The following ACOX3 variants were observed in gnomAD, a reference collection of about 807,000 sequenced individuals.
The protein encoded by ACOX3 is peroxisomal acyl-coenzyme A oxidase 3.
A neutral mutation model predicts 81.5 loss-of-function variants in ACOX3; 73 were observed. The observed-to-expected ratio is 0.90, with a 90% CI of 0.74 to 1.09. The LOEUF (loss-of-function observed/expected upper bound fraction) is 1.09, where lower values mean the gene tolerates loss of function less well. Ranked by LOEUF, ACOX3 falls within the 50% of genes least tolerant of loss-of-function variation. ACOX3 has a pLI of 0.00. For missense variants in ACOX3, 947 were observed against 928.0 expected, an observed-to-expected ratio of 1.02 and a Z score of -0.27; for synonymous variants, 387 against 375.1, an observed-to-expected ratio of 1.03 and a Z score of -0.37.
rs769012697 is a variant in ACOX3 at position 8,392,440 on chromosome 4, C to T, written c.1193G>A (p.Arg398His). 19 of 1,591,874 alleles carry T rather than the reference C, an allele frequency of 1.2e-5. No individual in the cohort carries two copies. In the African/African-American group the frequency reaches 1.4e-4, roughly 11 times the overall value. The change falls in exon 11 of 18, where the codon CGT becomes CAT. Residue 398 changes from arginine to histidine, a missense_variant. Arg to His is a conservative substitution (Grantham distance 29, BLOSUM62 0). Coordinates refer to ENST00000356406, the MANE Select transcript of ACOX3 (RefSeq NM_003501.3). ...GGCCGATGCCAGGGCGTGGATCTCA[C>T]GTCCAAGCTCTGCCTTTGGGTGAGG... ...DRSARQAELG[R>H]EIHALASASK...
At chr4:8,357,491 T>C in the ACOX3 span, 1 of 334,732 alleles carries the variant, frequency 3.0e-6, no homozygotes, top group East Asian at 7.5e-5. Context: ...TAAAGTTTTC[T>C]ACATTACCAA....
chr4:8,367,819 A>G (rs1277052463), intron 17 of ACOX3, among the ~76,000 whole-genome samples: 5 of 134,266 alleles, frequency 3.7e-5, no homozygotes, highest in African/African-American at 1.6e-4. Flanking sequence ...AAAAAAAAAA[A>G]AAAAAAAAAA....
At chr4:8,408,188 C>G (rs972325612) in intron 6 of ACOX3, among the ~76,000 whole-genome samples, 1 of 151,870 alleles carries the variant, frequency 6.6e-6, no homozygotes, top group Non-Finnish European at 1.5e-5. Context: ...GGGCTAAAAC[C>G]CAAATGTAAA....
In ACOX3 at chr4:8,385,927, A is replaced by T. The variant is rs1459848070; in HGVS notation, c.1537+3246T>A. Among the ~76,000 whole-genome samples, 1 of 152,238 alleles carries T rather than the reference A, an allele frequency of 6.6e-6. No individual in the cohort carries two copies. The highest frequency in any genetic ancestry group is 1.9e-4 in the East Asian group (1 of 5,198). Reference sequence around the variant, plus strand: ...GAGGGATAATGGCGGTCTCTCTCCCATACCACTTTGAACAAGTGAAAGCCA... The same window carrying T: ...GAGGGATAATGGCGGTCTCTCTCCCTTACCACTTTGAACAAGTGAAAGCCA... On this transcript the variant is annotated intron_variant, in intron 13 of 17. Transcript: ENST00000356406. This position sits in a 1 kb window ranked among gnomAD's most constrained non-coding sequence, Gnocchi z 5.5.
At chr4:8,371,097 G>A in intron 16 of ACOX3, 103 bp from the exon 17 acceptor site, 1 of 1,035,782 alleles carries the variant, frequency 9.7e-7, no homozygotes, top group Non-Finnish European at 1.5e-6. Flanking sequence ...ACTAGCAACG[G>A]GTCACCTGAG....
chr4:8,427,995 T>G (rs368910948), intron 1 of ACOX3, among the ~76,000 whole-genome samples: 1 of 152,248 alleles, frequency 6.6e-6, no homozygotes, highest in East Asian at 1.9e-4. Context: ...GCTTCTGTCA[T>G]TCACATGAGA....
At chr4:8,361,257 A>C in the ACOX3 span, among the ~76,000 whole-genome samples, 1 of 151,686 alleles carries the variant, frequency 6.6e-6, no homozygotes, top group Non-Finnish European at 1.5e-5. Flanking sequence ...CCCAGTCTCT[A>C]CTAAAAATGC....
intron 1 of ACOX3, among the ~76,000 whole-genome samples, chr4:8,436,725 T>C (rs1354931693): frequency 6.6e-6 from 1 of 151,924 alleles, no homozygotes; most frequent in Non-Finnish European, 1.5e-5. Flanking sequence ...GGCTCACGCC[T>C]ATAATCCCAG....
At chr4:8,413,710 C>A (rs984723026) in intron 5 of ACOX3, among the ~76,000 whole-genome samples, 2 of 151,514 alleles carry the variant, frequency 1.3e-5, no homozygotes, top group Admixed American at 6.6e-5. Flanking sequence ...CCGTGCCCCT[C>A]CACAGCACTG....
Position 8,406,837 on chromosome 4 carries a change from G to C in ACOX3, c.688-794C>G, listed in dbSNP as rs575176339. On this transcript the variant is annotated intron_variant, in intron 6 of 17. Coordinates refer to ENST00000356406, the MANE Select transcript of ACOX3 (RefSeq NM_003501.3). This position sits in a 1 kb window ranked among gnomAD's most constrained non-coding sequence, Gnocchi z 5.6. ...CAGGATGGAACATGAAGGTGGACTA[G>C]GAGCGTGACCACTGAAGCACGGCAT... is the stretch of plus-strand genomic sequence containing the variant. Among the ~76,000 whole-genome samples, 5 of 152,350 alleles carry C rather than the reference G, an allele frequency of 3.3e-5. No homozygotes were observed. Among genetic ancestry groups the C allele is most frequent in the East Asian group, 1.9e-4 (1 of 5,178 alleles).
chr4:8,370,414 G>A lies in ACOX3; in HGVS notation c.1983+494C>T, dbSNP rs533325104. Among the ~76,000 whole-genome samples the A allele has an allele frequency of 6.6e-6, 1 of 152,230 alleles. No homozygotes were observed. Among genetic ancestry groups the A allele is most frequent in the African/African-American group, 2.4e-5 (1 of 41,562 alleles). On this transcript the variant is annotated intron_variant, in intron 17 of 17. Transcript: ENST00000356406. This position sits in a 1 kb window ranked among gnomAD's most constrained non-coding sequence, Gnocchi z 6.3. ...ACATGGGGGGCAGGAGGAGAGCTGA[G>A]GAGCCACAGGGAGGCGGTTGGGGGA... is the stretch of plus-strand genomic sequence containing the variant.
In ACOX3 at chr4:8,370,920, T is replaced by C; in HGVS notation, c.1971A>G (p.Arg657=). The C allele has an allele frequency of 6.2e-7, 1 of 1,613,912 alleles. No individual in the cohort carries two copies. The highest frequency in any genetic ancestry group is 8.5e-7 in the Non-Finnish European group (1 of 1,179,992). The change falls in exon 17 of 18, where the codon AGA becomes AGG. Residue 657 remains arginine (R), a synonymous_variant. Coordinates refer to ENST00000356406, the MANE Select transcript of ACOX3 (RefSeq NM_003501.3). This position sits in a 1 kb window ranked among gnomAD's most constrained non-coding sequence, Gnocchi z 6.3. ...GTCCTCCCTTTACCTCGCCGTCGGC[T>C]CTGCCAATCGGTGAGTCCAGAACAA... ...PDFVLDSPIG[R]ADGELYKNLW...
At chr4:8,398,407 G>C (rs140591156) in intron 8 of ACOX3, among the ~76,000 whole-genome samples, 1 of 152,118 alleles carries the variant, frequency 6.6e-6, no homozygotes. Context: ...TCCTCCAAGA[G>C]TCCCTTCAAC....
In ACOX3 at chr4:8,415,905, A is replaced by G; in HGVS notation, c.239T>C (p.Leu80Pro). 1 of 1,614,258 alleles carries G rather than the reference A, an allele frequency of 6.2e-7. No individual in the cohort carries two copies. The highest frequency in any genetic ancestry group is 8.5e-7 in the Non-Finnish European group (1 of 1,180,044). ...ATACTCGAAGATCCGCTTGCATCGA[A>G]GGAAGTTCAGCTCGCGATACTTCTC... ...SLEKYRELNF[L>P]RCKRIFEYDF... Residue 80 changes from leucine (L) to proline (P), a missense_variant, in exon 3 of 18, where the codon CTT becomes CCT. By Grantham distance (98) the Leu-to-Pro change is moderately conservative (BLOSUM62 -3). Coordinates refer to ENST00000356406, the MANE Select transcript of ACOX3 (RefSeq NM_003501.3).
chr4:8,409,592 G>C (rs576411677), intron 6 of ACOX3, among the ~76,000 whole-genome samples: 1 of 151,206 alleles, frequency 6.6e-6, no homozygotes, highest in African/African-American at 2.4e-5. Context: ...TGTGCACTGT[G>C]GGCAGGGCTA....
At position 8,389,467 on chromosome 4, in the gene ACOX3, G is replaced by A; in HGVS notation, c.1423+145C>T. On this transcript the variant is annotated intron_variant, in intron 12 of 17. Transcript: ENST00000356406. This position sits in a 1 kb window ranked among gnomAD's most constrained non-coding sequence, Gnocchi z 5.3. ...CCAGCCTTTGCCCATGCCTTGGGGAGTTGGTCGGCACTATCTAATAACATT... is the reference window on the plus strand; with the variant it reads ...CCAGCCTTTGCCCATGCCTTGGGGAATTGGTCGGCACTATCTAATAACATT... 3.6e-6 allele frequency: 5 copies of A among 1,408,348 alleles called. No homozygotes were observed. The South Asian group carries it at 5.2e-5, about 15-fold the overall frequency. The allele number at this position is 1,408,348 out of a possible 1,614,324, so 87.2% of individuals were successfully genotyped here.
intron 1 of ACOX3, among the ~76,000 whole-genome samples, chr4:8,429,921 A>C (rs1258590378): frequency 6.6e-6 from 1 of 152,142 alleles, no homozygotes; most frequent in Non-Finnish European, 1.5e-5. Context: ...AAAAAAAAAA[A>C]AGTGAAAAAA....
chr4:8,425,838 C>T (rs547940755), intron 1 of ACOX3, among the ~76,000 whole-genome samples: 13 of 152,176 alleles, frequency 8.5e-5, no homozygotes, highest in South Asian at 2.1e-4. Context: ...ACAATGGCCC[C>T]GCTTTCAAGG....
At position 8,397,037 on chromosome 4, in the gene ACOX3, A is replaced by G. The variant is rs1371014556; in HGVS notation, c.956T>C (p.Leu319Pro). ...AAGAGCGATGGCCACGGCCAGCTTT[A>G]GGTTAAGGATGGCCAGGCTCACGAT... ...VSIVSLAILN[L>P]KLAVAIALRF... The change falls in exon 9 of 18, where the codon CTA becomes CCA. Residue 319 changes from leucine (L) to proline (P), a missense_variant. Transcript: ENST00000356406. The G allele has an allele frequency of 6.2e-7, 1 of 1,610,656 alleles. No homozygotes were observed. Among genetic ancestry groups the G allele is most frequent in the East Asian group, 2.2e-5 (1 of 44,580 alleles).
Sources: allele counts gnomAD v4.1 joint callset (sites outside exome capture counted in the v4.1 genomes callset), GRCh38; gene constraint gnomAD v4.1.1; non-coding constraint Gnocchi (gnomAD v3.1); transcripts MANE v1.5; gene names NCBI Gene and HGNC (gene_info 2026-07-23, HGNC 2026-07-21).